TMEM45A: variants seen among roughly 807,000 people sequenced by gnomAD.
The protein encoded by TMEM45A is transmembrane protein 45A, also known as DNA polymerase-transactivated protein 4.
Under a neutral mutation model 32.0 loss-of-function variants are expected in TMEM45A, and 25 were observed. The ratio of observed to expected loss-of-function variants is 0.78; its 90% CI spans 0.57 to 1.09. TMEM45A has a LOEUF of 1.09. TMEM45A is among the 50% of genes least tolerant of loss of function. The pLI is 0.00. For missense variants in TMEM45A, 302 were observed against 325.0 expected (o/e 0.93, Z 0.54); for synonymous variants, 122 against 114.8 (o/e 1.06, Z -0.40).
intron 5 of TMEM45A, chr3:100,571,830 A>G (rs1025274521): frequency 6.6e-6 from 1 of 151,966 alleles, no homozygotes; most frequent in East Asian, 1.9e-4. Context: ...ATTCCCACCT[A>G]TGAGTGAGAA....
At chr3:100,561,413 T>A (rs1706328004) in intron 4 of TMEM45A, among the ~76,000 whole-genome samples, 1 of 152,182 alleles carries the variant, frequency 6.6e-6, no homozygotes, top group Non-Finnish European at 1.5e-5. Flanking sequence ...GAACCGTAAG[T>A]ATGGAGATGT....
intron 1 of TMEM45A, among the ~76,000 whole-genome samples, chr3:100,511,781 C>CT (rs1708166892): frequency 6.6e-6 from 1 of 152,060 alleles, no homozygotes; most frequent in Admixed American, 6.6e-5. Flanking sequence ...GGAGGAAGAT[C>CT]TACCGAGCAA....
intron 1 of TMEM45A, among the ~76,000 whole-genome samples, chr3:100,547,278 C>A (rs7650265): frequency 6.6e-6 from 1 of 151,594 alleles, no homozygotes; most frequent in African/African-American, 2.4e-5. Flanking sequence ...TGTGTCATCA[C>A]GCTGGGCTAA....
Position 100,525,804 on chromosome 3 carries a change from A to G in TMEM45A, c.-3-29405A>G, listed in dbSNP as rs534308396. The stretch of plus-strand genomic sequence containing the variant: ...TTTTCAGAGCTTGTGGTACGGGGAG[A>G]CAGGCAGGACAGGCATGTGCTCTAG... On this transcript the variant is annotated intron_variant, in intron 1 of 5. Transcript: ENST00000323523. 4.6e-5 allele frequency among the ~76,000 whole-genome samples: 7 copies of G among 152,286 alleles called. No individual in the cohort carries two copies. The South Asian group carries it at 1.2e-3, about 27-fold the overall frequency.
intron 4 of TMEM45A, among the ~76,000 whole-genome samples, chr3:100,561,003 A>G (rs1706320865): frequency 6.6e-6 from 1 of 152,140 alleles, no homozygotes. Flanking sequence ...AAAATTTTTC[A>G]TCTACCAATA....
At chr3:100,553,108 G>A (rs1005201987) in intron 1 of TMEM45A, among the ~76,000 whole-genome samples, 1 of 152,140 alleles carries the variant, frequency 6.6e-6, no homozygotes, top group Non-Finnish European at 1.5e-5. Context: ...ACAGTACTGT[G>A]GGTTATTTGC....
chr3:100,537,828 G>A (rs1705772926), intron 1 of TMEM45A, among the ~76,000 whole-genome samples: 1 of 148,472 alleles, frequency 6.7e-6, no homozygotes, highest in Non-Finnish European at 1.5e-5. Context: ...TGCTGATTCA[G>A]GTGTGGTCAC....
At chr3:100,539,169 C>T (rs909981926) in intron 1 of TMEM45A, among the ~76,000 whole-genome samples, 4 of 152,050 alleles carry the variant, frequency 2.6e-5, no homozygotes, top group Non-Finnish European at 5.9e-5. Context: ...AGAACAGAAT[C>T]GTAGTACTGA....
chr3:100,565,979 T>C (rs1706427550), intron 4 of TMEM45A, among the ~76,000 whole-genome samples: 2 of 152,204 alleles, frequency 1.3e-5, no homozygotes, highest in South Asian at 4.1e-4. Flanking sequence ...TCTGTCTCTA[T>C]GAATATTTGT....
chr3:100,522,552 T>C (rs1163381098), intron 1 of TMEM45A, among the ~76,000 whole-genome samples: 1 of 152,182 alleles, frequency 6.6e-6, no homozygotes, highest in Admixed American at 6.5e-5. Context: ...TGGCCTATAG[T>C]CTAATCAATG....
intron 5 of TMEM45A, 60 bp downstream of exon 5, chr3:100,569,027 C>T (rs957548565): frequency 3.3e-6 from 5 of 1,509,202 alleles, no homozygotes; most frequent in Non-Finnish European, 2.7e-6. Flanking sequence ...TATCAAGACT[C>T]AGTGGTATTG....
intron 1 of TMEM45A, among the ~76,000 whole-genome samples, chr3:100,530,583 A>G (rs1180817192): frequency 6.6e-6 from 1 of 152,220 alleles, no homozygotes; most frequent in Non-Finnish European, 1.5e-5. Context: ...ATTGACACAT[A>G]AAATTAACCA....
At chr3:100,572,008 A>G (rs1706571821) in intron 5 of TMEM45A, 1 of 152,196 alleles carries the variant, frequency 6.6e-6, no homozygotes. Flanking sequence ...GTTGTTGGAC[A>G]TTTAGGTTGG....
At chr3:100,524,270 C>T (rs539950968) in intron 1 of TMEM45A, among the ~76,000 whole-genome samples, 1 of 152,340 alleles carries the variant, frequency 6.6e-6, no homozygotes, top group South Asian at 2.1e-4. Context: ...ATGACATCTC[C>T]AAACCAGTGT....
At chr3:100,504,259 A>G (rs1318260548) in intron 1 of TMEM45A, among the ~76,000 whole-genome samples, 1 of 152,172 alleles carries the variant, frequency 6.6e-6, no homozygotes, top group Non-Finnish European at 1.5e-5. Flanking sequence ...TAAAAAAAAA[A>G]AAAAGTCTTG....
intron 1 of TMEM45A, among the ~76,000 whole-genome samples, chr3:100,548,260 C>T (rs1445870555): frequency 1.3e-5 from 2 of 152,154 alleles, no homozygotes; most frequent in Admixed American, 6.5e-5. Context: ...GACAAATGGC[C>T]TCTGGAGTAC....
chr3:100,565,835 A>T (rs1706422561), intron 4 of TMEM45A, among the ~76,000 whole-genome samples: 1 of 152,196 alleles, frequency 6.6e-6, no homozygotes, highest in East Asian at 1.9e-4. Context: ...GGCATTTAGT[A>T]TATTCACAAT....
intron 1 of TMEM45A, among the ~76,000 whole-genome samples, chr3:100,532,492 G>A (rs901272173): frequency 6.6e-6 from 1 of 152,316 alleles, no homozygotes; most frequent in Non-Finnish European, 1.5e-5. Flanking sequence ...GATGCGGCCG[G>A]CCCATATGCC....
rs989708750 is a variant in TMEM45A, at chr3:100,557,554, T to A, written c.403+582T>A. On this transcript the variant is annotated intron_variant, in intron 3 of 5. Transcript: ENST00000323523. ...AGGAAAAAAGAAAACAAGCATTTAA[T>A]GGTTTTTTTTTTTTCATGTATTACA... 7.6e-5 allele frequency among the ~76,000 whole-genome samples: 5 copies of A among 66,168 alleles called. No individual in the cohort carries two copies. In the East Asian group the frequency reaches 5.2e-3, roughly 69 times the overall value. The allele number at this position is 66,168 out of a possible 152,430, so 43.4% of individuals were successfully genotyped here.
Sources: allele counts gnomAD v4.1 joint callset (sites outside exome capture counted in the v4.1 genomes callset), GRCh38; gene constraint gnomAD v4.1.1; transcripts MANE v1.5; gene names NCBI Gene and HGNC (gene_info 2026-07-23, HGNC 2026-07-21).